TMLHE: variants seen among roughly 807,000 people sequenced by gnomAD.
The protein encoded by TMLHE is trimethyllysine dioxygenase, mitochondrial.
Under a neutral mutation model 25.7 loss-of-function variants are expected in TMLHE, and 18 were observed. The observed-to-expected ratio is 0.70, with a 90% confidence interval of 0.48 to 1.04. The LOEUF (loss-of-function observed/expected upper bound fraction) is 1.04. Among genes scored for constraint, TMLHE ranks in the 50% least tolerant of loss-of-function variants. TMLHE has a pLI of 0.00. For synonymous variants in TMLHE, 105 were observed against 97.0 expected (o/e 1.08, Z -0.49); for missense variants, 236 against 259.0 (o/e 0.91, Z 0.61).
chrX:155,514,843 C>T (rs987861794), intron 3 of TMLHE, among the ~76,000 whole-genome samples: 1 of 111,443 alleles, frequency 9.0e-6, no homozygotes, highest in African/African-American at 3.3e-5. Context: ...TATATGACAT[C>T]AACACAATAC....
intron 1 of TMLHE, among the ~76,000 whole-genome samples, chrX:155,597,380 G>C (rs1202754923): frequency 9.0e-6 from 1 of 111,076 alleles, no homozygotes; most frequent in Non-Finnish European, 1.9e-5. Context: ...AAATAGGAAC[G>C]CTTTTACACT....
intron 3 of TMLHE, among the ~76,000 whole-genome samples, chrX:155,519,711 TG>T (rs2067180934): frequency 2.7e-4 from 1 of 3,691 alleles, no homozygotes; most frequent in Non-Finnish European, 5.1e-4. Context: ...GCTCCTGTAT[TG>T]GGTGCATAAA....
chrX:155,526,205 C>T (rs1471686077), intron 2 of TMLHE, among the ~76,000 whole-genome samples: 2 of 113,034 alleles, frequency 1.8e-5, no homozygotes, highest in African/African-American at 6.4e-5. Context: ...GGGCCAGGCC[C>T]AGGGCCCTAC....
chrX:155,513,024 G>T (rs2124338207), intron 4 of TMLHE, among the ~76,000 whole-genome samples: 1 of 111,244 alleles, frequency 9.0e-6, no homozygotes, highest in Non-Finnish European at 1.9e-5. Context: ...CCCTAAAACT[G>T]TCTCAATTTA....
chrX:155,584,394 T>A (rs2067651311), intron 1 of TMLHE, among the ~76,000 whole-genome samples: 1 of 111,119 alleles, frequency 9.0e-6, no homozygotes. Flanking sequence ...AATCTTTGAA[T>A]TATCAGTGTT....
intron 2 of TMLHE, among the ~76,000 whole-genome samples, chrX:155,533,638 A>C (rs2067262196): frequency 9.0e-6 from 1 of 111,403 alleles, no homozygotes; most frequent in Non-Finnish European, 1.9e-5. Flanking sequence ...AAAAAAGAGG[A>C]CAGCTAGAGG....
At chrX:155,547,223 C>A (rs1603047079) in intron 1 of TMLHE, among the ~76,000 whole-genome samples, 1 of 92,934 alleles carries the variant, frequency 1.1e-5, no homozygotes, top group African/African-American at 3.6e-5. Flanking sequence ...CGGCTCACTG[C>A]AAGCTCCGCC....
chrX:155,506,970 CA>C lies in TMLHE; in HGVS notation c.922del (p.Cys308ValfsTer5). ...KHEYIEDVGE[C>X]HNHMIGIGPV... ...CCCAATCCCAATCATGTGGTTGTGACATTCTCCAACATCTTCAATATATTCA... is the reference window on the plus strand; with the variant it reads ...CCCAATCCCAATCATGTGGTTGTGACTTCTCCAACATCTTCAATATATTCA... On this transcript the variant is annotated frameshift_variant, in exon 6 of 8. Coordinates refer to ENST00000334398, the MANE Select transcript of TMLHE (RefSeq NM_018196.4). LOFTEE classifies it high-confidence loss of function. The C allele has an allele frequency of 8.3e-7, 1 of 1,209,814 alleles. No homozygotes were observed. Among genetic ancestry groups the C allele is most frequent in the Non-Finnish European group, 1.1e-6 (1 of 894,373 alleles).
chrX:155,509,577 C>G (rs1205123211), intron 5 of TMLHE, among the ~76,000 whole-genome samples: 4 of 111,749 alleles, frequency 3.6e-5, no homozygotes, highest in Non-Finnish European at 7.5e-5. Flanking sequence ...TGCTTCTTAT[C>G]TCATTTCCTC....
intron 1 of TMLHE, among the ~76,000 whole-genome samples, chrX:155,590,702 T>C (rs2067689259): frequency 9.0e-6 from 1 of 111,012 alleles, no homozygotes; most frequent in Non-Finnish European, 1.9e-5. Flanking sequence ...TATACATGTA[T>C]ATGATAAAGA....
intron 1 of TMLHE, among the ~76,000 whole-genome samples, chrX:155,574,927 T>A (rs1603078362): frequency 9.0e-6 from 1 of 111,206 alleles, no homozygotes; most frequent in African/African-American, 3.3e-5. Flanking sequence ...AAAGAAAAAA[T>A]TTAAGAAAAA....
intron 1 of TMLHE, among the ~76,000 whole-genome samples, chrX:155,601,698 A>G (rs1318358085): frequency 1.8e-5 from 2 of 111,813 alleles, no homozygotes; most frequent in Non-Finnish European, 3.8e-5. Context: ...ATCTATAAGT[A>G]TAAATGGGTT....
intron 2 of TMLHE, among the ~76,000 whole-genome samples, chrX:155,534,138 A>G (rs1251127258): frequency 1.8e-5 from 2 of 111,687 alleles, no homozygotes; most frequent in Non-Finnish European, 3.8e-5. Context: ...AGAACAGAGA[A>G]AATGGGACAA....
intron 1 of TMLHE, among the ~76,000 whole-genome samples, chrX:155,555,132 T>C (rs1267362012): frequency 1.8e-5 from 2 of 109,969 alleles, no homozygotes; most frequent in Non-Finnish European, 3.8e-5. Context: ...ACATGCGGTG[T>C]TGGTTTTCTG....
intron 1 of TMLHE, among the ~76,000 whole-genome samples, chrX:155,558,745 T>C (rs2067475374): frequency 8.9e-6 from 1 of 111,937 alleles, no homozygotes; most frequent in Admixed American, 9.5e-5. Flanking sequence ...TCTTTGAATA[T>C]GGTGATTTAA....
At chrX:155,544,016 C>T (rs2067328305) in intron 2 of TMLHE, among the ~76,000 whole-genome samples, 1 of 111,733 alleles carries the variant, frequency 8.9e-6, no homozygotes, top group African/African-American at 3.3e-5. Context: ...TCTCTTGCAG[C>T]TCTTCCAGCT....
At chrX:155,548,411 C>G (rs781943638) in intron 1 of TMLHE, among the ~76,000 whole-genome samples, 8 of 111,662 alleles carry the variant, frequency 7.2e-5, no homozygotes, top group South Asian at 3.7e-4. Flanking sequence ...ATTCACACAA[C>G]TGACAAAGTA....
chrX:155,558,835 T>C (rs1557341271), intron 1 of TMLHE, among the ~76,000 whole-genome samples: 1 of 111,839 alleles, frequency 8.9e-6, no homozygotes, highest in Non-Finnish European at 1.9e-5. Context: ...TTATTAGTCT[T>C]GCTGAAATTT....
At chrX:155,611,245 G>C (rs1557348295) in intron 1 of TMLHE, among the ~76,000 whole-genome samples, 1 of 111,091 alleles carries the variant, frequency 9.0e-6, no homozygotes, top group African/African-American at 3.3e-5. Context: ...AATGGCAGGT[G>C]CATGTACAGC....
Sources: gnomAD v4.1 joint callset for allele counts (sites outside exome capture counted in the v4.1 genomes callset) on GRCh38, gnomAD v4.1.1 for gene constraint, MANE v1.5 for transcripts, NCBI Gene and HGNC (gene_info 2026-07-23, HGNC 2026-07-21) for gene names.